The following SLC33A1 variants were observed in gnomAD, a reference collection of about 807,000 sequenced individuals.
SLC33A1 encodes solute carrier family 33 member 1.
SLC33A1 carries 20 observed loss-of-function variants against 50.0 expected under a neutral mutation model. That is an observed-to-expected ratio of 0.40 (90% confidence interval 0.28 to 0.58). The LOEUF is 0.58. Ranked by LOEUF, SLC33A1 falls within the 20% of genes least tolerant of loss-of-function variation. The pLI, the probability that SLC33A1 is intolerant of heterozygous loss-of-function variation, is 0.44. For synonymous variants in SLC33A1, 265 were observed against 251.8 expected, an observed-to-expected ratio of 1.05 and a Z score of -0.50; for missense variants, 476 against 657.0, an observed-to-expected ratio of 0.72 and a Z score of 3.01.
chr3:155,847,508 G>A (rs1418769733), intron 1 of SLC33A1, among the ~76,000 whole-genome samples: 1 of 152,050 alleles, frequency 6.6e-6, no homozygotes, highest in Non-Finnish European at 1.5e-5. Flanking sequence ...ACTTTGGGAA[G>A]CTGAGGTGGG....
chr3:155,850,719 C>A (rs920405930), intron 1 of SLC33A1, among the ~76,000 whole-genome samples: 2 of 151,380 alleles, frequency 1.3e-5, no homozygotes, highest in Non-Finnish European at 2.9e-5. Context: ...TGGGTTCAAG[C>A]GATTCTCCCC....
intron 1 of SLC33A1, among the ~76,000 whole-genome samples, chr3:155,852,317 A>G (rs929617202): frequency 1.3e-5 from 2 of 152,184 alleles, no homozygotes; most frequent in African/African-American, 4.8e-5. Context: ...TCAATTAAAA[A>G]AAAGAAGAAA....
rs1219982613 is a variant in SLC33A1, at chr3:155,829,737, T to C, written c.1433A>G (p.Glu478Gly). The change falls in exon 5 of 6, where the codon GAG becomes GGG. Residue 478 changes from glutamate (E) to glycine (G), a missense_variant. By Grantham distance (98) the Glu-to-Gly change is moderately conservative. Coordinates refer to ENST00000643144, the MANE Select transcript of SLC33A1 (RefSeq NM_004733.4). ...LWLVDPLTVKECVGASNQNCR... is the reference protein window; with the variant it reads ...LWLVDPLTVKGCVGASNQNCR... The stretch of plus-strand genomic sequence containing the variant: ...ATTCTGGTTTGATGCTCCTACACAC[T>C]CTTTTACTGTGAGGGGATCTACAAG... The C allele has an allele frequency of 1.2e-6, 2 of 1,614,102 alleles. No individual in the cohort carries two copies. The highest frequency in any genetic ancestry group is 3.3e-5 in the Admixed American group (2 of 60,002).
chr3:155,825,534 A>C lies in SLC33A1; in HGVS notation c.*2676T>G, dbSNP rs1383579226. The C allele has an allele frequency of 6.6e-6, 1 of 152,138 alleles. No individual in the cohort carries two copies. Among genetic ancestry groups the C allele is most frequent in the Non-Finnish European group, 1.5e-5 (1 of 68,036 alleles). The allele number at this position is 152,138 out of a possible 1,614,324, so 9.4% of individuals were successfully genotyped here. A position where few individuals can be genotyped will look rare whatever the true frequency, so the allele number is the denominator to read the frequency against. ...ATCACTGTACTCCAGCTTGGGCAAA[A>C]GTGAGACCATGTCTCTAAAAAATAA... On this transcript the variant is annotated 3_prime_UTR_variant, in exon 6 of 6. Transcript: ENST00000643144.
At position 155,833,839 on chromosome 3, in the gene SLC33A1, G is replaced by T. The variant is rs1356297769; in HGVS notation, c.1148+18C>A. The T allele has an allele frequency of 3.1e-6, 5 of 1,592,830 alleles. No individual in the cohort carries two copies. The African/African-American group carries it at 6.7e-5, about 21-fold the overall frequency. On this transcript the variant is annotated intron_variant, in intron 3 of 5. Coordinates refer to ENST00000643144, the MANE Select transcript of SLC33A1 (RefSeq NM_004733.4). ...ATTTTACCCTTTCTTATTTAGTAAGGTTTTATTTCATTTTTACCTGTAGGG... is the reference window on the plus strand; with the variant it reads ...ATTTTACCCTTTCTTATTTAGTAAGTTTTTATTTCATTTTTACCTGTAGGG...
chr3:155,844,455 ATATTTTTTTTT>A (rs1368114343), intron 1 of SLC33A1, among the ~76,000 whole-genome samples: 9 of 23,962 alleles, frequency 3.8e-4, no homozygotes, highest in African/African-American at 1.2e-3. Flanking sequence ...ATATATATAT[ATATTTTTTTTT>A]TTTTTTTTTT....
chr3:155,847,285 G>C (rs1299643166), intron 1 of SLC33A1, among the ~76,000 whole-genome samples: 1 of 152,166 alleles, frequency 6.6e-6, no homozygotes. Context: ...GAATGCTAAA[G>C]AATGTATTAT....
Position 155,853,694 on chromosome 3 carries a change from T to C in SLC33A1, c.304A>G (p.Lys102Glu). The change falls in exon 1 of 6, where the codon AAA (lysine) becomes GAA (glutamate). Residue 102 changes from lysine (K) to glutamate (E), a missense_variant. Lys to Glu is a moderately conservative substitution (Grantham distance 56). Transcript: ENST00000643144. ...GCTTGGTCTGTATAGCTAACATTTT[T>C]GCTTTGCAAAATGAGTGGGATGCTT... ...AGSIPLILQSKNVSYTDQAFF... is the reference protein window; with the variant it reads ...AGSIPLILQSENVSYTDQAFF... The C allele has an allele frequency of 2.5e-6, 4 of 1,614,180 alleles. No individual in the cohort carries two copies. The highest frequency in any genetic ancestry group is 8.5e-7 in the Non-Finnish European group (1 of 1,180,020).
In SLC33A1 at chr3:155,824,401, T is replaced by C. The variant is rs1752156277; in HGVS notation, c.*3809A>G. The C allele has an allele frequency of 1.3e-5, 2 of 152,152 alleles. No homozygotes were observed. The highest frequency in any genetic ancestry group is 4.1e-4 in the South Asian group (2 of 4,832). 9.4% of individuals were successfully genotyped at this position (152,152 alleles called of 1,614,324 possible). On this transcript the variant is annotated 3_prime_UTR_variant, in exon 6 of 6. Coordinates refer to ENST00000643144, the MANE Select transcript of SLC33A1 (RefSeq NM_004733.4). ...AACCATTTAATACAAAGCAACATAC[T>C]TTCTCAGGTTTCTGTTAATAAGGCA...
rs1341133950 is a variant in SLC33A1, at chr3:155,854,036, G to A, written c.-39C>T. 9 of 1,508,760 alleles carry A rather than the reference G, an allele frequency of 6.0e-6. No homozygotes were observed. The highest frequency in any genetic ancestry group is 4.7e-5 in the Admixed American group (2 of 42,866). The allele number at this position is 1,508,760 out of a possible 1,614,324, so 93.5% of individuals were successfully genotyped here. ...CAGAGCCCCGTCTGTGGGGGGCCGA[G>A]GCTGAGCGTTTTGGATCCGTCCAGT... On this transcript the variant is annotated 5_prime_UTR_variant, in exon 1 of 6. Coordinates refer to ENST00000643144, the MANE Select transcript of SLC33A1 (RefSeq NM_004733.4).
At chr3:155,844,453 ATATATTTTTT>A (rs1753071746) in intron 1 of SLC33A1, among the ~76,000 whole-genome samples, 4 of 25,186 alleles carry the variant, frequency 1.6e-4, no homozygotes, top group African/African-American at 4.9e-4. Flanking sequence ...ATATATATAT[ATATATTTTTT>A]TTTTTTTTTT....
chr3:155,843,302 G>T (rs1753003334), intron 1 of SLC33A1, among the ~76,000 whole-genome samples: 1 of 152,092 alleles, frequency 6.6e-6, no homozygotes, highest in South Asian at 2.1e-4. Context: ...AGCCTTTTCA[G>T]TTCTTTATTA....
At chr3:155,847,511 G>A (rs1753218346) in intron 1 of SLC33A1, among the ~76,000 whole-genome samples, 1 of 152,084 alleles carries the variant, frequency 6.6e-6, no homozygotes, top group Non-Finnish European at 1.5e-5. Flanking sequence ...TTGGGAAGCT[G>A]AGGTGGGCGG....
At chr3:155,848,840 C>G (rs929701570) in intron 1 of SLC33A1, among the ~76,000 whole-genome samples, 5 of 152,170 alleles carry the variant, frequency 3.3e-5, no homozygotes, top group Admixed American at 2.6e-4. Context: ...TATCTATCTA[C>G]CCAATATATT....
At chr3:155,836,420 A>G (rs1352895384) in intron 2 of SLC33A1, among the ~76,000 whole-genome samples, 1 of 151,740 alleles carries the variant, frequency 6.6e-6, no homozygotes, top group Non-Finnish European at 1.5e-5. Flanking sequence ...TAAAGGTAAC[A>G]TATATTTCAC....
intron 2 of SLC33A1, among the ~76,000 whole-genome samples, chr3:155,841,920 G>A (rs942728989): frequency 6.6e-6 from 1 of 151,866 alleles, no homozygotes; most frequent in Non-Finnish European, 1.5e-5. Flanking sequence ...GCTGATTCTT[G>A]TATTTTTAGT....
intron 5 of SLC33A1, among the ~76,000 whole-genome samples, chr3:155,828,989 G>A (rs1002867986): frequency 2.1e-4 from 31 of 146,112 alleles, no homozygotes; most frequent in African/African-American, 7.2e-4. Flanking sequence ...TGCAACCTCC[G>A]CCTCCCAGTT....
In SLC33A1 at chr3:155,834,335, C is replaced by T. The variant is rs187556450; in HGVS notation, c.964-294G>A. Among the ~76,000 whole-genome samples, 9 of 152,128 alleles carry T rather than the reference C, an allele frequency of 5.9e-5. No homozygotes were observed. The East Asian group carries it at 7.7e-4, about 13-fold the overall frequency. The stretch of plus-strand genomic sequence containing the variant: ...AAAAAGTCCAATGTGTTATAGTAAA[C>T]GGGGTCAAAAATCCAAATTTACCAA... On this transcript the variant is annotated intron_variant, in intron 2 of 5. Coordinates refer to ENST00000643144, the MANE Select transcript of SLC33A1 (RefSeq NM_004733.4).
chr3:155,850,282 C>T (rs1753347263), intron 1 of SLC33A1, among the ~76,000 whole-genome samples: 2 of 152,294 alleles, frequency 1.3e-5, no homozygotes, highest in Non-Finnish European at 2.9e-5. Context: ...GTTGGGATTA[C>T]AGGCGTGAGC....
Sources: gnomAD v4.1 joint callset for allele counts (sites outside exome capture counted in the v4.1 genomes callset) on GRCh38, gnomAD v4.1.1 for gene constraint, MANE v1.5 for transcripts, NCBI Gene and HGNC (gene_info 2026-07-23, HGNC 2026-07-21) for gene names.